NT5M: variants seen among roughly 807,000 people sequenced by gnomAD.
NT5M encodes the protein 5',3'-nucleotidase, mitochondrial.
A neutral mutation model predicts 22.2 loss-of-function variants in NT5M; 22 were observed. The observed-to-expected ratio is 0.99, with a 90% CI of 0.71 to 1.41. The LOEUF (loss-of-function observed/expected upper bound fraction) is 1.41, where lower values mean the gene tolerates loss of function less well. Ranked by LOEUF, NT5M falls within the 40% of genes most tolerant of loss-of-function variation. NT5M has a pLI of 0.00. For synonymous variants in NT5M, 167 were observed against 133.0 expected (o/e 1.26, Z -1.76); for missense variants, 322 against 314.8 (o/e 1.02, Z -0.17).
chr17:17,345,488 C>T (rs2142390292), intron 4 of NT5M, among the ~76,000 whole-genome samples: 1 of 152,188 alleles, frequency 6.6e-6, no homozygotes, highest in South Asian at 2.1e-4. Context: ...CATAGCGAGA[C>T]TCTCTCTACA....
intron 1 of NT5M, 132 bp downstream of exon 1, chr17:17,303,949 G>A (rs955348431): frequency 1.7e-5 from 21 of 1,269,484 alleles, no homozygotes; most frequent in East Asian, 6.3e-5. Context: ...TAGGGTCTGG[G>A]GGGGACTAGG....
rs148659430 is a variant in NT5M at position 17,324,853 on chromosome 17, C to T, written c.429+1608C>T. On this transcript the variant is annotated intron_variant, in intron 3 of 4. Transcript: ENST00000389022. Reference sequence around the variant, plus strand: ...CACCACCATGGCCGGCCTTCGCTGACCCCCTTTTAACACGCTAGGAGCACG... The same window carrying T: ...CACCACCATGGCCGGCCTTCGCTGATCCCCTTTTAACACGCTAGGAGCACG... 2.6e-3 allele frequency among the ~76,000 whole-genome samples: 392 copies of T among 152,324 alleles called. 1 individual carries two copies. The highest frequency in any genetic ancestry group is 0.017 in the Middle Eastern group (5 of 294).
At chr17:17,328,647 C>G (rs1157091954) in intron 3 of NT5M, among the ~76,000 whole-genome samples, 1 of 152,200 alleles carries the variant, frequency 6.6e-6, no homozygotes, top group Admixed American at 6.5e-5. Context: ...AGTTCCTTCC[C>G]CAGCTCCTGT....
At chr17:17,344,670 A>G in intron 3 of NT5M, 124 bp from the exon 4 acceptor site, 7 of 1,191,378 alleles carry the variant, frequency 5.9e-6, no homozygotes, top group South Asian at 5.8e-5. Context: ...CCTTGGTGTC[A>G]GGCCTCCATC....
At chr17:17,322,755 G>A (rs2049176795) in intron 2 of NT5M, among the ~76,000 whole-genome samples, 1 of 152,224 alleles carries the variant, frequency 6.6e-6, no homozygotes, top group African/African-American at 2.4e-5. Context: ...TTGGGGATGT[G>A]GCGCTCCTCA....
chr17:17,338,215 C>T (rs146784167), intron 3 of NT5M, among the ~76,000 whole-genome samples: 1,907 of 145,970 alleles, frequency 0.013, 45 homozygotes, highest in African/African-American at 0.045. Context: ...TTTTTTGAGA[C>T]GGAGTCTTAC....
intron 4 of NT5M, among the ~76,000 whole-genome samples, chr17:17,346,500 G>C (rs2049761232): frequency 6.6e-6 from 1 of 152,148 alleles, no homozygotes; most frequent in African/African-American, 2.4e-5. Context: ...GGAAGTCGGG[G>C]GAACACCATG....
At chr17:17,323,869 C>T (rs569110014) in intron 3 of NT5M, among the ~76,000 whole-genome samples, 1 of 152,242 alleles carries the variant, frequency 6.6e-6, no homozygotes, top group South Asian at 2.1e-4. Flanking sequence ...GACCTTTCCG[C>T]TCTGGATTCC....
Position 17,305,983 on chromosome 17 carries a change from C to T in NT5M, c.268-560C>T, listed in dbSNP as rs944390547. The stretch of plus-strand genomic sequence containing the variant: ...TTGCAACTCTAAAAGCAGCAGAATC[C>T]TTTTTTTAAAAATGTACTTATTGGC... On this transcript the variant is annotated intron_variant, in intron 1 of 4. Transcript: ENST00000389022. 2.0e-5 allele frequency among the ~76,000 whole-genome samples: 3 copies of T among 152,074 alleles called. No homozygotes were observed. In the East Asian group the frequency reaches 5.8e-4, roughly 29 times the overall value.
At chr17:17,309,827 TTTTG>T (rs1238319707) in intron 2 of NT5M, among the ~76,000 whole-genome samples, 1 of 149,964 alleles carries the variant, frequency 6.7e-6, no homozygotes. Context: ...CTTTTGTGGT[TTTTG>T]TTTTTTTTTT....
At chr17:17,305,394 G>GCCGCCC (rs2048774521) in intron 1 of NT5M, among the ~76,000 whole-genome samples, 2 of 74,098 alleles carry the variant, frequency 2.7e-5, no homozygotes, top group Non-Finnish European at 2.7e-5. Context: ...TAAAACAACC[G>GCCGCCC]CCCCCCCCCC....
intron 4 of NT5M, chr17:17,345,304 G>A (rs1231726230): frequency 6.0e-6 from 6 of 1,005,994 alleles, no homozygotes; most frequent in Non-Finnish European, 7.1e-6. Flanking sequence ...CAGAGCTCCT[G>A]CAGGGAAGGT....
At chr17:17,346,677 G>A (rs1444989660) in intron 4 of NT5M, 128 bp from the exon 5 acceptor site, 2 of 1,118,192 alleles carry the variant, frequency 1.8e-6, no homozygotes, top group African/African-American at 1.5e-5. Context: ...TGTGCGTGCA[G>A]TCACCCCTTT....
chr17:17,312,031 C>T (rs111299759), intron 2 of NT5M, among the ~76,000 whole-genome samples: 422 of 150,242 alleles, frequency 2.8e-3, no homozygotes, highest in Non-Finnish European at 4.6e-3. Context: ...AGGCTCACAT[C>T]CTCACTTCCC....
intron 2 of NT5M, among the ~76,000 whole-genome samples, chr17:17,319,999 C>T (rs890476387): frequency 3.9e-5 from 6 of 152,116 alleles, no homozygotes; most frequent in African/African-American, 7.2e-5. Context: ...CTCATCACCA[C>T]GTCCGGCTAT....
Position 17,345,065 on chromosome 17 carries a change from C to T in NT5M, c.544+157C>T, listed in dbSNP as rs1024620452. Reference sequence around the variant, plus strand: ...CCCCTTCGGGAAGACAAGGCCCCCTCTGTATGGGCTGTGGCCTGGTGCTCC... The same window carrying T: ...CCCCTTCGGGAAGACAAGGCCCCCTTTGTATGGGCTGTGGCCTGGTGCTCC... On this transcript the variant is annotated intron_variant, in intron 4 of 4. Transcript: ENST00000389022. 8.3e-6 allele frequency: 10 copies of T among 1,198,672 alleles called. No individual in the cohort carries two copies. In the Admixed American group the frequency reaches 9.8e-5, roughly 12 times the overall value. The allele number at this position is 1,198,672 out of a possible 1,614,324, so 74.3% of individuals were successfully genotyped here.
In NT5M at chr17:17,303,625, G is replaced by A. The variant is rs758370074; in HGVS notation, c.75G>A (p.Ala25=). 7.6e-7 allele frequency: 1 copy of A among 1,317,130 alleles called. No individual in the cohort carries two copies. The highest frequency in any genetic ancestry group is 9.7e-7 in the Non-Finnish European group (1 of 1,026,804). The allele number at this position is 1,317,130 out of a possible 1,614,324, so 81.6% of individuals were successfully genotyped here. A position where few individuals can be genotyped will look rare whatever the true frequency, so the allele number is the denominator to read the frequency against. Residue 25 remains alanine (A), a synonymous_variant, in exon 1 of 5, where the codon GCG becomes GCA. Transcript: ENST00000389022. ...TTCCCGCGGGGCGGCGCGGGGCGGC[G>A]GGCGGGCTGGGCCTGGCGGGAGGCC... The part of the protein sequence containing the change: ...AAVPAGRRGA[A]GGLGLAGGRA...
intron 2 of NT5M, among the ~76,000 whole-genome samples, chr17:17,318,450 C>T (rs1181372282): frequency 1.5e-5 from 2 of 132,822 alleles, no homozygotes; most frequent in Admixed American, 8.9e-5. Context: ...CACTGAACTC[C>T]AGCCTGGGTA....
At chr17:17,324,632 C>T (rs955058358) in intron 3 of NT5M, among the ~76,000 whole-genome samples, 1 of 151,996 alleles carries the variant, frequency 6.6e-6, no homozygotes, top group Non-Finnish European at 1.5e-5. Flanking sequence ...TCATCATGTC[C>T]TCATGACACC....
Sources: allele counts gnomAD v4.1 joint callset (sites outside exome capture counted in the v4.1 genomes callset), GRCh38; gene constraint gnomAD v4.1.1; transcripts MANE v1.5; gene names NCBI Gene and HGNC (gene_info 2026-07-23, HGNC 2026-07-21).